Variants in GNL1 observed in about 807,000 individuals in gnomAD.
The protein encoded by GNL1 is G protein nucleolar 1.
In GNL1, 21 loss-of-function variants were observed where a neutral mutation model predicts 75.2. The observed-to-expected ratio is 0.28, with a 90% CI of 0.20 to 0.40. GNL1 has a LOEUF of 0.40. GNL1 is among the 10% of genes least tolerant of loss of function. The pLI is 1.00. For synonymous variants in GNL1, 287 were observed against 303.4 expected, an observed-to-expected ratio of 0.95 and a Z score of 0.56; for missense variants, 579 against 775.0, an observed-to-expected ratio of 0.75 and a Z score of 3.00.
rs766572034 is a variant in GNL1 at position 30,553,562 on chromosome 6, G to A, written c.601-5C>T. The A allele has an allele frequency of 2.5e-6, 4 of 1,602,964 alleles. No homozygotes were observed. The Admixed American group carries it at 6.7e-5, about 27-fold the overall frequency. On this transcript the variant is annotated splice_polypyrimidine_tract_variant and splice_region_variant and intron_variant, in intron 5 of 11. Transcript: ENST00000376621. ...TGCTGGCGGGAAATTCACAACCTAGGACAGAGTTGATAAGAGGATGGAGCA... is the reference window on the plus strand; with the variant it reads ...TGCTGGCGGGAAATTCACAACCTAGAACAGAGTTGATAAGAGGATGGAGCA...
chr6:30,556,033 A>T lies in GNL1; in HGVS notation c.73+98T>A, dbSNP rs1417168500. The T allele has an allele frequency of 3.5e-6, 5 of 1,443,028 alleles. No homozygotes were observed. The highest frequency in any genetic ancestry group is 1.7e-5 in the Admixed American group (1 of 57,848). 89.4% of individuals were successfully genotyped at this position (1,443,028 alleles called of 1,614,324 possible). On this transcript the variant is annotated intron_variant, in intron 1 of 11. Transcript: ENST00000376621. This position sits in a 1 kb window ranked among gnomAD's most constrained non-coding sequence, Gnocchi z 5.7. ...CCGCGAGGGTTGACGCGGTCCCACG[A>T]CCCCCTCCCACGATCCCCAGAGGTG...
At chr6:30,550,038 C>T (rs1799677992) in intron 8 of GNL1, among the ~76,000 whole-genome samples, 1 of 152,084 alleles carries the variant, frequency 6.6e-6, no homozygotes, top group African/African-American at 2.4e-5. Flanking sequence ...GTTGGCCAGG[C>T]TGGTCTCAAA....
Position 30,556,447 on chromosome 6 carries a change from T to C in GNL1, c.-244A>G, listed in dbSNP as rs1582522998. 1.1e-5 allele frequency: 6 copies of C among 571,148 alleles called. No homozygotes were observed. Among genetic ancestry groups the C allele is most frequent in the African/African-American group, 1.9e-5 (1 of 51,624 alleles). The allele number at this position is 571,148 out of a possible 1,614,324, so 35.4% of individuals were successfully genotyped here. On this transcript the variant is annotated 5_prime_UTR_variant, in exon 1 of 12. Coordinates refer to ENST00000376621, the MANE Select transcript of GNL1 (RefSeq NM_005275.5). The surrounding 1 kb of genome is among the most constrained non-coding windows in gnomAD (Gnocchi z 5.7). Reference sequence around the variant, plus strand: ...TGATGCGGGGTGGGCTACTGGCACGTGAGAGCCAGTGGCACCGAGAGGGCG... The same window carrying C: ...TGATGCGGGGTGGGCTACTGGCACGCGAGAGCCAGTGGCACCGAGAGGGCG...
rs1386239885 is a variant in GNL1 at position 30,546,133 on chromosome 6, G to A, written c.1763C>T (p.Ala588Val). Reference sequence around the variant, plus strand: ...TCGGCCAGCCAGGCTGGACCCTGGAGCCGAGGTTGGGGTCTCCTCATCCCC... The same window carrying A: ...TCGGCCAGCCAGGCTGGACCCTGGAACCGAGGTTGGGGTCTCCTCATCCCC... ...GEGDEETPTS[A>V]PGSSLAGRNP... is the part of the protein sequence containing the mutation. The change falls in exon 12 of 12, where the codon GCT becomes GTT. Residue 588 changes from alanine (A) to valine (V), a missense_variant. Physicochemically the swap from Ala to Val is moderately conservative, Grantham distance 64 (BLOSUM62 0). Transcript: ENST00000376621. This position sits in a 1 kb window ranked among gnomAD's most constrained non-coding sequence, Gnocchi z 5.1. 4 of 1,571,936 alleles carry A rather than the reference G, an allele frequency of 2.5e-6. No homozygotes were observed. The highest frequency in any genetic ancestry group is 3.5e-6 in the Non-Finnish European group (4 of 1,158,410).
rs1289088968 is a variant in GNL1 at position 30,544,811 on chromosome 6, G to A, written c.*1261C>T. The A allele has an allele frequency of 6.6e-6, 1 of 152,084 alleles. No individual in the cohort carries two copies. Among genetic ancestry groups the A allele is most frequent in the African/African-American group, 2.4e-5 (1 of 41,412 alleles). The allele number at this position is 152,084 out of a possible 1,614,324, so 9.4% of individuals were successfully genotyped here. ...CTGCCCAGTGACTCAGATCCTGAAA[G>A]GATCTGCTTTAGAGAAAAAAGGAGT... On this transcript the variant is annotated 3_prime_UTR_variant, in exon 12 of 12. Transcript: ENST00000376621.
Position 30,555,304 on chromosome 6 carries a change from C to A in GNL1, c.240-113G>T. ...CCATTCTCTCCAGAGTCGTTCAAGT[C>A]TCCTCTCTCAAGTCAGACTTCCCCC... On this transcript the variant is annotated intron_variant, in intron 2 of 11. Coordinates refer to ENST00000376621, the MANE Select transcript of GNL1 (RefSeq NM_005275.5). The surrounding 1 kb of genome is among the most constrained non-coding windows in gnomAD (Gnocchi z 4.3). The A allele has an allele frequency of 1.5e-6, 2 of 1,315,022 alleles. No individual in the cohort carries two copies. The highest frequency in any genetic ancestry group is 1.3e-5 in the South Asian group (1 of 76,746). The allele number at this position is 1,315,022 out of a possible 1,614,324, so 81.5% of individuals were successfully genotyped here. A position where few individuals can be genotyped will look rare whatever the true frequency, so the allele number is the denominator to read the frequency against.
In GNL1 at chr6:30,555,291, G is replaced by A. The variant is rs1800077051; in HGVS notation, c.240-100C>T. 1 of 1,458,996 alleles carries A rather than the reference G, an allele frequency of 6.9e-7. No individual in the cohort carries two copies. The highest frequency in any genetic ancestry group is 1.2e-5 in the South Asian group (1 of 82,450). 90.4% of individuals were successfully genotyped at this position (1,458,996 alleles called of 1,614,324 possible). ...TCAACTTCGCAAACCATTCTCTCCA[G>A]AGTCGTTCAAGTCTCCTCTCTCAAG... On this transcript the variant is annotated intron_variant, in intron 2 of 11. Transcript: ENST00000376621. The surrounding 1 kb of genome is among the most constrained non-coding windows in gnomAD (Gnocchi z 4.3).
At position 30,552,386 on chromosome 6, in the gene GNL1, C is replaced by T. The variant is rs1371231228; in HGVS notation, c.1099+81G>A. The T allele has an allele frequency of 4.0e-6, 5 of 1,238,464 alleles. No homozygotes were observed. The African/African-American group carries it at 4.4e-5, about 11-fold the overall frequency. The allele number at this position is 1,238,464 out of a possible 1,614,324, so 76.7% of individuals were successfully genotyped here. ...CAGACACCCTGGGGCCTAATGAGAC[C>T]TGATCGCCCTCTCTCTTCTCCGAAT... On this transcript the variant is annotated intron_variant, in intron 8 of 11. Coordinates refer to ENST00000376621, the MANE Select transcript of GNL1 (RefSeq NM_005275.5). This position sits in a 1 kb window ranked among gnomAD's most constrained non-coding sequence, Gnocchi z 4.5.
In GNL1 at chr6:30,555,329, C is replaced by A; in HGVS notation, c.240-138G>T. The A allele has an allele frequency of 1.8e-6, 2 of 1,106,888 alleles. No homozygotes were observed. Among genetic ancestry groups the A allele is most frequent in the Non-Finnish European group, 2.7e-6 (2 of 754,580 alleles). The allele number at this position is 1,106,888 out of a possible 1,614,324, so 68.6% of individuals were successfully genotyped here. On this transcript the variant is annotated intron_variant, in intron 2 of 11. Coordinates refer to ENST00000376621, the MANE Select transcript of GNL1 (RefSeq NM_005275.5). The surrounding 1 kb of genome is among the most constrained non-coding windows in gnomAD (Gnocchi z 4.3). ...CTCCTCTCTCAAGTCAGACTTCCCC[C>A]AAGTCCTTCTTTCAGGCAATACTCA...
In GNL1 at chr6:30,547,062, GGAA is replaced by G; in HGVS notation, c.1441+47_1441+49del. On this transcript the variant is annotated intron_variant, in intron 10 of 11. Coordinates refer to ENST00000376621, the MANE Select transcript of GNL1 (RefSeq NM_005275.5). This position sits in a 1 kb window ranked among gnomAD's most constrained non-coding sequence, Gnocchi z 5.5. ...GAAGGGTAAAAGGCGAGGCAGGTAA[GGAA>G]GAGCAGCTGAAACCAGGTGGGGCGA... The G allele has an allele frequency of 6.6e-7, 1 of 1,522,922 alleles. No individual in the cohort carries two copies. Among genetic ancestry groups the G allele is most frequent in the Non-Finnish European group, 9.1e-7 (1 of 1,099,596 alleles). The allele number at this position is 1,522,922 out of a possible 1,614,324, so 94.3% of individuals were successfully genotyped here. A position where few individuals can be genotyped will look rare whatever the true frequency, so the allele number is the denominator to read the frequency against.
chr6:30,554,866 C>T lies in GNL1; in HGVS notation c.426G>A (p.Glu142=). The change falls in exon 4 of 12, where the codon GAG becomes GAA. Residue 142 remains glutamate, a synonymous_variant. Coordinates refer to ENST00000376621, the MANE Select transcript of GNL1 (RefSeq NM_005275.5). ...RPPWSYEMSK[E]QLMSQEERSF... is the part of the protein sequence containing the mutation. ...TCCGTTCCTCTTGGCTCATTAGTTG[C>T]TCCTTGGACATCTCATAGCTCCAAG... The T allele has an allele frequency of 6.2e-7, 1 of 1,612,632 alleles. No homozygotes were observed.
Position 30,556,057 on chromosome 6 carries a change from T to A in GNL1, c.73+74A>T. On this transcript the variant is annotated intron_variant, in intron 1 of 11. Coordinates refer to ENST00000376621, the MANE Select transcript of GNL1 (RefSeq NM_005275.5). The surrounding 1 kb of genome is among the most constrained non-coding windows in gnomAD (Gnocchi z 5.7). The stretch of plus-strand genomic sequence containing the variant: ...GACCCCCTCCCACGATCCCCAGAGG[T>A]GCAGCGGGCACACCCCTCCTTCCAG... 6.4e-7 allele frequency: 1 copy of A among 1,554,930 alleles called. No individual in the cohort carries two copies. Among genetic ancestry groups the A allele is most frequent in the Non-Finnish European group, 8.8e-7 (1 of 1,141,204 alleles).
rs1384860959 is a variant in GNL1 at position 30,546,937 on chromosome 6, C to A, written c.1442-101G>T. 4 of 1,224,270 alleles carry A rather than the reference C, an allele frequency of 3.3e-6. No homozygotes were observed. In the African/African-American group the frequency reaches 4.5e-5, roughly 14 times the overall value. 75.8% of individuals were successfully genotyped at this position (1,224,270 alleles called of 1,614,324 possible). On this transcript the variant is annotated intron_variant, in intron 10 of 11. Coordinates refer to ENST00000376621, the MANE Select transcript of GNL1 (RefSeq NM_005275.5). The surrounding 1 kb of genome is among the most constrained non-coding windows in gnomAD (Gnocchi z 5.1). ...TCCTTCCAGTTTTCCCCAAAACATT[C>A]CAGGCCAGAGATCTTACTGGCTATG...
chr6:30,552,944 G>T lies in GNL1; in HGVS notation c.904+140C>A. 1 of 716,572 alleles carries T rather than the reference G, an allele frequency of 1.4e-6. No individual in the cohort carries two copies. Among genetic ancestry groups the T allele is most frequent in the Non-Finnish European group, 2.4e-6 (1 of 410,754 alleles). 44.4% of individuals were successfully genotyped at this position (716,572 alleles called of 1,614,324 possible). A position where few individuals can be genotyped will look rare whatever the true frequency, so the allele number is the denominator to read the frequency against. On this transcript the variant is annotated intron_variant, in intron 7 of 11. Transcript: ENST00000376621. The surrounding 1 kb of genome is among the most constrained non-coding windows in gnomAD (Gnocchi z 4.5). ...GCCTCTCGTCCCACCAAGTCAGTCT[G>T]CTCCTTATTCTGTCCCTTCCCCTGG...
At chr6:30,551,235 G>C (rs1799758350) in intron 8 of GNL1, among the ~76,000 whole-genome samples, 1 of 152,212 alleles carries the variant, frequency 6.6e-6, no homozygotes, top group African/African-American at 2.4e-5. Flanking sequence ...AGATCAGCTA[G>C]AGCAGAGGCT....
rs571873286 is a variant in GNL1, at chr6:30,550,504, C to T, written c.1099+1963G>A. The stretch of plus-strand genomic sequence containing the variant: ...GGCCCTGTCTCACCACCTCCAGCTC[C>T]AGCATCCTACTCTAAGCAACTCTTA... On this transcript the variant is annotated intron_variant, in intron 8 of 11. Coordinates refer to ENST00000376621, the MANE Select transcript of GNL1 (RefSeq NM_005275.5). 1.1e-3 allele frequency among the ~76,000 whole-genome samples: 161 copies of T among 152,294 alleles called. 5 individuals are homozygous for T. The South Asian group carries it at 0.03, about 29-fold the overall frequency.
rs1238308357 is a variant in GNL1, at chr6:30,549,900, C to T, written c.1100-2370G>A. Among the ~76,000 whole-genome samples the T allele has an allele frequency of 2.7e-5, 4 of 150,880 alleles. No homozygotes were observed. The East Asian group carries it at 5.9e-4, about 22-fold the overall frequency. ...GTGCAGTGGTATGATCTTGGCTCACCGTAACCTCTGCCTCCAGGATTCAAG... is the reference window on the plus strand; with the variant it reads ...GTGCAGTGGTATGATCTTGGCTCACTGTAACCTCTGCCTCCAGGATTCAAG... On this transcript the variant is annotated intron_variant, in intron 8 of 11. Coordinates refer to ENST00000376621, the MANE Select transcript of GNL1 (RefSeq NM_005275.5).
At chr6:30,553,290 T>C (rs1269386583) in intron 6 of GNL1, 60 bp downstream of exon 6, 2 of 1,477,260 alleles carry the variant, frequency 1.4e-6, no homozygotes, top group East Asian at 4.6e-5. Context: ...CTCTCTGTTC[T>C]CCCCTTTGTC....
In GNL1 at chr6:30,552,057, T is replaced by C. The variant is rs757702303; in HGVS notation, c.1099+410A>G. On this transcript the variant is annotated intron_variant, in intron 8 of 11. Transcript: ENST00000376621. This position sits in a 1 kb window ranked among gnomAD's most constrained non-coding sequence, Gnocchi z 4.5. Reference sequence around the variant, plus strand: ...TTCTTTATCTTTTGTAAAGATGGGGTTTCACTATGTTGCCCAGACTAGTCT... The same window carrying C: ...TTCTTTATCTTTTGTAAAGATGGGGCTTCACTATGTTGCCCAGACTAGTCT... 29 of 175,168 alleles carry C rather than the reference T, an allele frequency of 1.7e-4. No individual in the cohort carries two copies. The highest frequency in any genetic ancestry group is 3.1e-4 in the Non-Finnish European group (26 of 83,524). The allele number at this position is 175,168 out of a possible 1,614,324, so 10.9% of individuals were successfully genotyped here.
Sources: gnomAD v4.1 joint callset for allele counts (sites outside exome capture counted in the v4.1 genomes callset) on GRCh38, gnomAD v4.1.1 for gene constraint, Gnocchi (gnomAD v3.1) non-coding constraint, MANE v1.5 for transcripts, NCBI Gene and HGNC (gene_info 2026-07-23, HGNC 2026-07-21) for gene names.